RIMS2: variants seen among roughly 807,000 people sequenced by gnomAD.
RIMS2 encodes regulating synaptic membrane exocytosis 2.
In RIMS2, 59 loss-of-function variants were observed where a neutral mutation model predicts 174.4. That is an observed-to-expected ratio of 0.34 (90% CI 0.27 to 0.42). RIMS2 has a LOEUF of 0.42. Ranked by LOEUF, RIMS2 falls within the 10% of genes least tolerant of loss-of-function variation. The probability of loss-of-function intolerance (pLI) is 1.00; values close to 1 mark genes in which losing one functional copy is unlikely to be tolerated. For synonymous variants in RIMS2, 606 were observed against 572.5 expected (o/e 1.06, Z -0.84); for missense variants, 1,620 against 1,666.3 (o/e 0.97, Z 0.48).
chr8:103,688,695 T>C (rs1349310925), intron 1 of RIMS2, among the ~76,000 whole-genome samples: 2 of 152,108 alleles, frequency 1.3e-5, no homozygotes, highest in Non-Finnish European at 2.9e-5. Context: ...TAGTTCATAG[T>C]AGTGTCTTAT....
intron 19 of RIMS2, among the ~76,000 whole-genome samples, chr8:104,105,522 A>G (rs950106670): frequency 2.6e-5 from 4 of 152,142 alleles, no homozygotes; most frequent in Non-Finnish European, 5.9e-5. Flanking sequence ...TTTCTAATTC[A>G]ATACCATATC....
chr8:103,806,440 A>T (rs2098650446), intron 3 of RIMS2, among the ~76,000 whole-genome samples: 1 of 152,168 alleles, frequency 6.6e-6, no homozygotes, highest in African/African-American at 2.4e-5. Context: ...ACTGGACTAT[A>T]AATCACAAGC....
At chr8:104,217,004 A>T (rs2099132828) in intron 19 of RIMS2, among the ~76,000 whole-genome samples, 1 of 152,248 alleles carries the variant, frequency 6.6e-6, no homozygotes, top group African/African-American at 2.4e-5. Flanking sequence ...CATCATTATT[A>T]TAAAGGGCCA....
chr8:103,778,956 A>G (rs1412884479), intron 3 of RIMS2, among the ~76,000 whole-genome samples: 1 of 152,086 alleles, frequency 6.6e-6, no homozygotes, highest in Non-Finnish European at 1.5e-5. Flanking sequence ...TGGGGTGAGA[A>G]GATATCTCAT....
intron 2 of RIMS2, among the ~76,000 whole-genome samples, chr8:103,720,129 C>A (rs1051317724): frequency 6.6e-6 from 1 of 152,068 alleles, no homozygotes; most frequent in Non-Finnish European, 1.5e-5. Context: ...CAGAAGTATA[C>A]AAGTTATCTT....
chr8:103,865,954 A>C (rs926420307), intron 3 of RIMS2, among the ~76,000 whole-genome samples: 6 of 152,174 alleles, frequency 3.9e-5, no homozygotes, highest in Non-Finnish European at 8.8e-5. Context: ...CAAGTGTTTC[A>C]ATTATTTCAC....
intron 19 of RIMS2, among the ~76,000 whole-genome samples, chr8:104,131,003 T>C (rs1248196668): frequency 2.0e-5 from 3 of 152,238 alleles, no homozygotes; most frequent in Non-Finnish European, 2.9e-5. Context: ...TTACTCATTT[T>C]GTAGGCCATG....
rs1323199282 is a variant in RIMS2 at position 103,655,106 on chromosome 8, A to T, written c.177-41980A>T. ...TTTGGCAATTGATGTGAAATTATAG[A>T]TATAAGTAGACTACTGTATATTCAA... On this transcript the variant is annotated intron_variant, in intron 1 of 23. Coordinates refer to ENST00000504942, the Ensembl canonical transcript of RIMS2. 2.0e-5 allele frequency among the ~76,000 whole-genome samples: 3 copies of T among 151,964 alleles called. No homozygotes were observed. The East Asian group carries it at 5.8e-4, about 29-fold the overall frequency.
In RIMS2 at chr8:104,169,909, T is replaced by C. The variant is rs537912652; in HGVS notation, c.3335-75007T>C. 4.6e-5 allele frequency among the ~76,000 whole-genome samples: 7 copies of C among 152,214 alleles called. No homozygotes were observed. In the East Asian group the frequency reaches 1.4e-3, roughly 29 times the overall value. ...TTCAAGGAATTTTTTAATTTCCATCTTAATTGTTAACCCAAAAATGATTCA... is the reference window on the plus strand; with the variant it reads ...TTCAAGGAATTTTTTAATTTCCATCCTAATTGTTAACCCAAAAATGATTCA... On this transcript the variant is annotated intron_variant, in intron 19 of 23. Transcript: ENST00000504942.
chr8:104,144,847 T>G (rs1400110283), intron 19 of RIMS2, among the ~76,000 whole-genome samples: 2 of 152,116 alleles, frequency 1.3e-5, no homozygotes, highest in Non-Finnish European at 2.9e-5. Flanking sequence ...ATAAAACTAT[T>G]TTTGGATTTC....
chr8:103,574,079 T>C (rs2132473624), intron 1 of RIMS2, among the ~76,000 whole-genome samples: 1 of 152,312 alleles, frequency 6.6e-6, no homozygotes, highest in East Asian at 1.9e-4. Context: ...AATACTTTTT[T>C]TTTTTTTCCT....
chr8:103,941,838 G>A (rs191155452), intron 13 of RIMS2, among the ~76,000 whole-genome samples: 2 of 152,074 alleles, frequency 1.3e-5, no homozygotes, highest in South Asian at 4.1e-4. Context: ...TTACAAGCTG[G>A]TGTGACCTTA....
intron 3 of RIMS2, among the ~76,000 whole-genome samples, chr8:103,860,621 C>A (rs1027073116): frequency 6.6e-6 from 1 of 151,510 alleles, no homozygotes. Flanking sequence ...TTATTGTTAG[C>A]CATTTGAGGG....
chr8:103,890,234 C>T (rs1296099880), intron 4 of RIMS2, among the ~76,000 whole-genome samples: 1 of 151,908 alleles, frequency 6.6e-6, no homozygotes, highest in Non-Finnish European at 1.5e-5. Context: ...AAGATCTGTC[C>T]TAAACTGAAT....
intron 19 of RIMS2, among the ~76,000 whole-genome samples, chr8:104,059,000 C>T (rs1225082128): frequency 1.8e-4 from 28 of 151,524 alleles, no homozygotes; most frequent in Admixed American, 1.1e-3. Flanking sequence ...AGTCAGGTAA[C>T]GTGATGCCTC....
At chr8:103,612,638 G>A (rs1422218570) in intron 1 of RIMS2, among the ~76,000 whole-genome samples, 1 of 152,114 alleles carries the variant, frequency 6.6e-6, no homozygotes, top group Admixed American at 6.5e-5. Context: ...GAGTGCAATG[G>A]TGCCATCTTG....
intron 19 of RIMS2, among the ~76,000 whole-genome samples, chr8:104,229,447 G>A (rs971804453): frequency 1.3e-5 from 2 of 152,126 alleles, no homozygotes; most frequent in African/African-American, 4.8e-5. Flanking sequence ...CTCTTTAAAT[G>A]AAAACAGGGT....
chr8:104,229,273 T>C (rs1247983978), intron 19 of RIMS2, among the ~76,000 whole-genome samples: 1 of 152,186 alleles, frequency 6.6e-6, no homozygotes, highest in Admixed American at 6.5e-5. Flanking sequence ...TAGGCCCCTA[T>C]TTATGGATCA....
chr8:103,683,462 A>G lies in RIMS2; in HGVS notation c.177-13624A>G, dbSNP rs190491633. ...ATGAGATATCTGTCCACATAACCCA[A>G]ACAACTCCTAGGCCACAACACTGCC... is the stretch of plus-strand genomic sequence containing the variant. On this transcript the variant is annotated intron_variant, in intron 1 of 23. Coordinates refer to ENST00000504942, the Ensembl canonical transcript of RIMS2. Among the ~76,000 whole-genome samples, 11 of 152,280 alleles carry G rather than the reference A, an allele frequency of 7.2e-5. No homozygotes were observed. In the East Asian group the frequency reaches 1.7e-3, roughly 24 times the overall value.
Sources: gnomAD v4.1 joint callset for allele counts (sites outside exome capture counted in the v4.1 genomes callset) on GRCh38, gnomAD v4.1.1 for gene constraint, MANE v1.5 for transcripts, NCBI Gene and HGNC (gene_info 2026-07-23, HGNC 2026-07-21) for gene names.